KCNIP4: variants seen among roughly 807,000 people sequenced by gnomAD.
KCNIP4 encodes potassium voltage-gated channel interacting protein 4.
Under a neutral mutation model 34.0 loss-of-function variants are expected in KCNIP4, and 12 were observed. That is an observed-to-expected ratio of 0.35 (90% CI 0.23 to 0.57). The LOEUF (loss-of-function observed/expected upper bound fraction) is 0.57, where lower values mean the gene tolerates loss of function less well. Among genes scored for constraint, KCNIP4 ranks in the 20% least tolerant of loss-of-function variants. The pLI is 0.83. For synonymous variants in KCNIP4, 124 were observed against 102.2 expected (o/e 1.21, Z -1.29); for missense variants, 238 against 311.7 (o/e 0.76, Z 1.78).
At chr4:21,257,498 G>A (rs573273877) in intron 1 of KCNIP4, among the ~76,000 whole-genome samples, 62 of 151,926 alleles carry the variant, frequency 4.1e-4, no homozygotes, top group African/African-American at 7.2e-4. Flanking sequence ...CTGTAATCCC[G>A]GCACTTTGGG....
At chr4:21,634,233 A>AC (rs1162314511) in intron 1 of KCNIP4, among the ~76,000 whole-genome samples, 2 of 151,030 alleles carry the variant, frequency 1.3e-5, no homozygotes, top group Non-Finnish European at 3.0e-5. Context: ...CAAAAAAAAA[A>AC]AAAAAAAAAA....
intron 1 of KCNIP4, among the ~76,000 whole-genome samples, chr4:20,910,950 A>T (rs540982489): frequency 2.7e-4 from 41 of 152,236 alleles, no homozygotes; most frequent in Middle Eastern, 3.4e-3. Flanking sequence ...TTATCCCCAC[A>T]TATTAAAAAA....
chr4:20,922,577 CTA>C (rs1729513069), intron 1 of KCNIP4, among the ~76,000 whole-genome samples: 1 of 150,550 alleles, frequency 6.6e-6, no homozygotes, highest in Non-Finnish European at 1.5e-5. Context: ...ATCTATCTAT[CTA>C]TCTATCTCCT....
intron 1 of KCNIP4, among the ~76,000 whole-genome samples, chr4:21,113,920 CA>C (rs1370625573): frequency 2.0e-5 from 3 of 152,140 alleles, no homozygotes; most frequent in Non-Finnish European, 2.9e-5. Flanking sequence ...CTTTCTCCAT[CA>C]AAAATCAAAG....
chr4:21,620,003 A>C (rs1263579746), intron 1 of KCNIP4, among the ~76,000 whole-genome samples: 1 of 152,210 alleles, frequency 6.6e-6, no homozygotes, highest in Non-Finnish European at 1.5e-5. Flanking sequence ...AAGTGATGTA[A>C]AGACCATTGT....
chr4:20,907,863 G>C (rs1400848898), intron 1 of KCNIP4, among the ~76,000 whole-genome samples: 1 of 151,742 alleles, frequency 6.6e-6, no homozygotes, highest in Non-Finnish European at 1.5e-5. Context: ...GACTACAGGC[G>C]CCCGCATGAT....
intron 1 of KCNIP4, among the ~76,000 whole-genome samples, chr4:21,038,470 T>C (rs1444086078): frequency 6.6e-6 from 1 of 152,176 alleles, no homozygotes; most frequent in Non-Finnish European, 1.5e-5. Flanking sequence ...AGGCTGTGAC[T>C]GGTAGCCTGG....
chr4:21,467,636 G>A (rs948048727), intron 1 of KCNIP4, among the ~76,000 whole-genome samples: 2 of 152,150 alleles, frequency 1.3e-5, no homozygotes, highest in East Asian at 1.9e-4. Context: ...CAGCAGACAC[G>A]CCAAGACATG....
intron 1 of KCNIP4, among the ~76,000 whole-genome samples, chr4:21,803,756 C>G (rs1005559849): frequency 6.6e-6 from 1 of 152,158 alleles, no homozygotes; most frequent in African/African-American, 2.4e-5. Context: ...TACAAACAGG[C>G]AATTCCTGTC....
intron 1 of KCNIP4, among the ~76,000 whole-genome samples, chr4:21,308,076 G>A (rs145179646): frequency 3.7e-4 from 57 of 152,256 alleles, no homozygotes; most frequent in Admixed American, 5.9e-4. Flanking sequence ...TTACCTTCAA[G>A]TCGCAGCGTG....
chr4:21,570,077 A>G (rs1740248119), intron 1 of KCNIP4, among the ~76,000 whole-genome samples: 1 of 152,160 alleles, frequency 6.6e-6, no homozygotes, highest in Non-Finnish European at 1.5e-5. Context: ...GGGAGACCCA[A>G]CCTGGAAGTC....
chr4:21,753,460 G>A (rs1717290777), intron 1 of KCNIP4, among the ~76,000 whole-genome samples: 1 of 152,162 alleles, frequency 6.6e-6, no homozygotes, highest in African/African-American at 2.4e-5. Flanking sequence ...GCCTCAGGCA[G>A]AGTTTGGAAC....
chr4:21,110,125 AG>A (rs754532124), intron 1 of KCNIP4, among the ~76,000 whole-genome samples: 3 of 152,200 alleles, frequency 2.0e-5, no homozygotes, highest in Non-Finnish European at 4.4e-5. Context: ...ATTAGAAATT[AG>A]ATCTCCAGCA....
At position 21,470,789 on chromosome 4, in the gene KCNIP4, C is replaced by T. The variant is rs574766753; in HGVS notation, c.61+477782G>A. On this transcript the variant is annotated intron_variant, in intron 1 of 8. Coordinates refer to ENST00000382152, the MANE Select transcript of KCNIP4 (RefSeq NM_025221.6). ...AGTTACAAGAGAATTCTTGGCCAAA[C>T]GCCCAATTCAAGGGCCAGCTGTTGA... 4.3e-4 allele frequency among the ~76,000 whole-genome samples: 65 copies of T among 151,734 alleles called. 1 individual carries two copies. The highest frequency in any genetic ancestry group is 1.4e-3 in the African/African-American group (58 of 41,302).
At chr4:21,071,484 T>C (rs957619533) in intron 1 of KCNIP4, among the ~76,000 whole-genome samples, 1 of 152,180 alleles carries the variant, frequency 6.6e-6, no homozygotes, top group Non-Finnish European at 1.5e-5. Context: ...ACTATTGCTA[T>C]ATACTAAGTT....
chr4:21,652,363 T>C (rs1747564432), intron 1 of KCNIP4, among the ~76,000 whole-genome samples: 1 of 152,126 alleles, frequency 6.6e-6, no homozygotes. Flanking sequence ...GGTACCATTT[T>C]GATGAAAAAG....
chr4:21,597,943 A>G (rs1742784762), intron 1 of KCNIP4, among the ~76,000 whole-genome samples: 1 of 150,370 alleles, frequency 6.7e-6, no homozygotes, highest in Admixed American at 6.6e-5. Context: ...AGACAACAGA[A>G]GAGAAAAGAA....
At chr4:21,239,086 C>T (rs1260936774) in intron 1 of KCNIP4, among the ~76,000 whole-genome samples, 1 of 152,046 alleles carries the variant, frequency 6.6e-6, no homozygotes, top group Non-Finnish European at 1.5e-5. Flanking sequence ...CTACAACTAT[C>T]TGATCTTTGA....
chr4:21,621,734 G>C (rs558128285), intron 1 of KCNIP4, among the ~76,000 whole-genome samples: 1 of 152,196 alleles, frequency 6.6e-6, no homozygotes, highest in East Asian at 1.9e-4. Context: ...TGTTTTCTGA[G>C]AATCCAACAC....
Sources: allele counts gnomAD v4.1 joint callset (sites outside exome capture counted in the v4.1 genomes callset), GRCh38; gene constraint gnomAD v4.1.1; transcripts MANE v1.5; gene names NCBI Gene and HGNC (gene_info 2026-07-23, HGNC 2026-07-21).